CARNS1: variants seen among roughly 807,000 people sequenced by gnomAD.
CARNS1 encodes carnosine synthase 1, also known as ATP-grasp domain containing 1.
A neutral mutation model predicts 74.0 loss-of-function variants in CARNS1; 61 were observed. That is an observed-to-expected ratio of 0.82 (90% confidence interval 0.67 to 1.02). The LOEUF (loss-of-function observed/expected upper bound fraction) is 1.02. Ranked by LOEUF, CARNS1 falls within the 50% of genes least tolerant of loss-of-function variation. The pLI, the probability that CARNS1 is intolerant of heterozygous loss-of-function variation, is 0.00. For missense variants in CARNS1, 1,278 were observed against 1,308.4 expected (o/e 0.98, Z 0.36); for synonymous variants, 568 against 605.5 (o/e 0.94, Z 0.91).
rs573591063 is a variant in CARNS1 at position 67,425,284 on chromosome 11, C to T, written c.*683C>T. 5.7e-6 allele frequency: 2 copies of T among 352,904 alleles called. No individual in the cohort carries two copies. The highest frequency in any genetic ancestry group is 7.4e-5 in the East Asian group (1 of 13,522). The allele number at this position is 352,904 out of a possible 1,614,324, so 21.9% of individuals were successfully genotyped here. A position where few individuals can be genotyped will look rare whatever the true frequency, so the allele number is the denominator to read the frequency against. ...TTATACCACAGTGGAGAGCGGGTCACAGGACATGATGCAGGGTCCAGGTTT... is the reference window on the plus strand; with the variant it reads ...TTATACCACAGTGGAGAGCGGGTCATAGGACATGATGCAGGGTCCAGGTTT... On this transcript the variant is annotated 3_prime_UTR_variant, in exon 10 of 10. Coordinates refer to ENST00000687366, the MANE Select transcript of CARNS1 (RefSeq NM_001166222.2).
At position 67,416,855 on chromosome 11, in the gene CARNS1, T is replaced by A. The variant is rs898627594; in HGVS notation, c.4-552T>A. On this transcript the variant is annotated intron_variant, in intron 2 of 9. Transcript: ENST00000687366. ...GGGGGGATACTGTCTAGCCTCCTAA[T>A]GTTTAGCCCAGGGCTGGGCACACAG... The A allele has an allele frequency of 4.1e-6, 4 of 986,238 alleles. No individual in the cohort carries two copies. In the African/African-American group the frequency reaches 7.0e-5, roughly 17 times the overall value. The allele number at this position is 986,238 out of a possible 1,614,324, so 61.1% of individuals were successfully genotyped here. A position where few individuals can be genotyped will look rare whatever the true frequency, so the allele number is the denominator to read the frequency against.
rs1403674852 is a variant in CARNS1 at position 67,417,565 on chromosome 11, C to T, written c.162C>T (p.Pro54=). 29 of 1,374,606 alleles carry T rather than the reference C, an allele frequency of 2.1e-5. No homozygotes were observed. Among genetic ancestry groups the T allele is most frequent in the South Asian group, 8.3e-5 (5 of 60,268 alleles). The allele number at this position is 1,374,606 out of a possible 1,614,324, so 85.2% of individuals were successfully genotyped here. Residue 54 remains proline, a synonymous_variant, in exon 3 of 10, where the codon CCC becomes CCT. Coordinates refer to ENST00000687366, the MANE Select transcript of CARNS1 (RefSeq NM_001166222.2). ...QDVGLDCKGS[P]EGAEARAWTV... ...TGGGCCTGGACTGCAAGGGATCCCC[C>T]GAGGGGGCCGAGGCCCGGGCTTGGA... is the stretch of plus-strand genomic sequence containing the variant.
In CARNS1 at chr11:67,424,352, G is replaced by C. The variant is rs543084153; in HGVS notation, c.2604G>C (p.Gln868His). Residue 868 changes from glutamine to histidine, a missense_variant, in exon 10 of 10, where the codon CAG becomes CAC. Coordinates refer to ENST00000687366, the MANE Select transcript of CARNS1 (RefSeq NM_001166222.2). ...HLVGVMCLVS[Q>H]HLQALSSTAS... ...TGGGCGTCATGTGCCTTGTGTCCCA[G>C]CACCTGCAGGCCCTGAGTTCCACCG... is the stretch of plus-strand genomic sequence containing the variant. The C allele has an allele frequency of 3.3e-5, 53 of 1,604,918 alleles. No individual in the cohort carries two copies. The South Asian group carries it at 5.7e-4, about 17-fold the overall frequency.
Position 67,425,027 on chromosome 11 carries a change from G to T in CARNS1, c.*426G>T. The stretch of plus-strand genomic sequence containing the variant: ...GGCCCCAAGCCTTGGACAAATCCTG[G>T]GAAAACCTGAGACTAGAACCCTTGT... On this transcript the variant is annotated 3_prime_UTR_variant, in exon 10 of 10. Coordinates refer to ENST00000687366, the MANE Select transcript of CARNS1 (RefSeq NM_001166222.2). 1 of 473,342 alleles carries T rather than the reference G, an allele frequency of 2.1e-6. No individual in the cohort carries two copies. Among genetic ancestry groups the T allele is most frequent in the Non-Finnish European group, 4.2e-6 (1 of 238,994 alleles). The allele number at this position is 473,342 out of a possible 1,614,324, so 29.3% of individuals were successfully genotyped here.
At chr11:67,418,275 C>T (rs141690471) in intron 3 of CARNS1, among the ~76,000 whole-genome samples, 156 bp from the exon 4 acceptor site, 5 of 152,164 alleles carry the variant, frequency 3.3e-5, no homozygotes, top group Non-Finnish European at 5.9e-5. Flanking sequence ...GCAGGACTGG[C>T]GGGCACCTCC....
chr11:67,415,960 A>G (rs918668580), intron 1 of CARNS1, 197 bp downstream of exon 1: 8 of 442,646 alleles, frequency 1.8e-5, no homozygotes, highest in African/African-American at 1.0e-4. Flanking sequence ...CCAGGGCAGG[A>G]AGGACCTGTG....
intron 1 of CARNS1, chr11:67,415,975 G>GCACTGGGGCAGGAGC (rs1368686830): frequency 3.6e-6 from 2 of 553,988 alleles, no homozygotes; most frequent in African/African-American, 3.8e-5. Flanking sequence ...CCTGTGAGCC[G>GCACTGGGGCAGGAGC]CACTGGGGCA....
chr11:67,421,283 C>G, intron 9 of CARNS1, 64 bp downstream of exon 9: 1 of 1,346,896 alleles, frequency 7.4e-7, no homozygotes, highest in Non-Finnish European at 9.5e-7. Flanking sequence ...GGCGGGACCC[C>G]GGGGCGGGGC....
At position 67,421,132 on chromosome 11, in the gene CARNS1, C is replaced by T. The variant is rs1332851618; in HGVS notation, c.1539C>T (p.Leu513=). The change falls in exon 9 of 10, where the codon CTC becomes CTT. Residue 513 remains leucine, a synonymous_variant. Coordinates refer to ENST00000687366, the MANE Select transcript of CARNS1 (RefSeq NM_001166222.2). ...ETMLRRSARC[L]MEGKQLLVVG... ...TGCTTCGGCGGTCGGCGCGCTGCCT[C>T]ATGGAGGGAAAACAGCTGCTGGTGG... 1.3e-6 allele frequency: 2 copies of T among 1,484,160 alleles called. No individual in the cohort carries two copies. Among genetic ancestry groups the T allele is most frequent in the East Asian group, 3.0e-5 (1 of 33,838 alleles). The allele number at this position is 1,484,160 out of a possible 1,614,324, so 91.9% of individuals were successfully genotyped here.
chr11:67,419,886 G>A, intron 7 of CARNS1, 48 bp downstream of exon 7: 2 of 1,539,286 alleles, frequency 1.3e-6, no homozygotes, highest in South Asian at 1.2e-5. Flanking sequence ...CCACACGCCA[G>A]CCCAGTCCCA....
In CARNS1 at chr11:67,423,733, A is replaced by C; in HGVS notation, c.1985A>C (p.Glu662Ala). 6.3e-7 allele frequency: 1 copy of C among 1,579,676 alleles called. No homozygotes were observed. Among genetic ancestry groups the C allele is most frequent in the Non-Finnish European group, 8.6e-7 (1 of 1,168,254 alleles). The change falls in exon 10 of 10, where the codon GAG (glutamate) becomes GCG (alanine). Residue 662 changes from glutamate (E) to alanine (A), a missense_variant. Physicochemically the swap from Glu to Ala is moderately radical, Grantham distance 107 (BLOSUM62 -1). Coordinates refer to ENST00000687366, the MANE Select transcript of CARNS1 (RefSeq NM_001166222.2). The surrounding 1 kb of genome is among the most constrained non-coding windows in gnomAD (Gnocchi z 5.1). ...CCPLESEADV[E>A]RAVHQVPLPG... is the part of the protein sequence containing the mutation. ...CCACTGGAGAGTGAGGCTGATGTGGAGAGGGCCGTGCACCAGGTACCCCTG... is the reference window on the plus strand; with the variant it reads ...CCACTGGAGAGTGAGGCTGATGTGGCGAGGGCCGTGCACCAGGTACCCCTG...
At chr11:67,416,259 C>A (rs1863543046) in intron 2 of CARNS1, 57 bp downstream of exon 2, 1 of 1,536,618 alleles carries the variant, frequency 6.5e-7, no homozygotes, top group African/African-American at 1.4e-5. Context: ...AGAGAGTGGG[C>A]CCAGAGGACA....
rs1163525277 is a variant in CARNS1 at position 67,424,487 on chromosome 11, C to T, written c.2739C>T (p.Ala913=). 3.8e-6 allele frequency: 6 copies of T among 1,587,212 alleles called. No individual in the cohort carries two copies. Among genetic ancestry groups the T allele is most frequent in the South Asian group, 1.1e-5 (1 of 87,730 alleles). ...ATGAGGAGCCCTACTGCAGTGTGGC[C>T]TGTGCCGGACCCAGCCCCACCGAGG... ...GEYEEPYCSV[A]CAGPSPTEAR... Residue 913 remains alanine (A), a synonymous_variant, in exon 10 of 10, where the codon GCC becomes GCT. Transcript: ENST00000687366.
Position 67,423,889 on chromosome 11 carries a change from TTGGGC to T in CARNS1, c.2151_2155del (p.Trp718GlnfsTer43), listed in dbSNP as rs1286619028. On this transcript the variant is annotated frameshift_variant, in exon 10 of 10. Coordinates refer to ENST00000687366, the MANE Select transcript of CARNS1 (RefSeq NM_001166222.2). LOFTEE classifies it high-confidence loss of function. This position sits in a 1 kb window ranked among gnomAD's most constrained non-coding sequence, Gnocchi z 5.1. ...CAGGGCGAGGCCGACCACCCAGGCA[TTGGGC>T]TGGGCTGGGGCAATGCCATGCTGCT... The T allele has an allele frequency of 6.2e-6, 10 of 1,613,480 alleles. No homozygotes were observed. Among genetic ancestry groups the T allele is most frequent in the Non-Finnish European group, 8.5e-6 (10 of 1,179,882 alleles).
chr11:67,415,913 C>G lies in CARNS1; in HGVS notation c.-25+150C>G, dbSNP rs188622906. ...CCCCCGGGACCCGGTGCCCCCAACT[C>G]CCCCCCGCGCTGGAGGGGCAGAGCC... On this transcript the variant is annotated intron_variant, in intron 1 of 9. Transcript: ENST00000687366. The G allele has an allele frequency of 1.4e-3, 414 of 295,094 alleles. 3 individuals are homozygous for G. The highest frequency in any genetic ancestry group is 8.6e-3 in the African/African-American group (388 of 44,886). The allele number at this position is 295,094 out of a possible 1,614,324, so 18.3% of individuals were successfully genotyped here.
intron 4 of CARNS1, 37 bp from the exon 5 acceptor site, chr11:67,418,719 C>A (rs762314194): frequency 5.9e-6 from 9 of 1,526,798 alleles, no homozygotes; most frequent in Non-Finnish European, 7.9e-6. Flanking sequence ...GGGCATCAAG[C>A]CTTCCCTGGC....
At position 67,425,334 on chromosome 11, in the gene CARNS1, C is replaced by T. The variant is rs1405890872; in HGVS notation, c.*733C>T. On this transcript the variant is annotated 3_prime_UTR_variant, in exon 10 of 10. Coordinates refer to ENST00000687366, the MANE Select transcript of CARNS1 (RefSeq NM_001166222.2). ...TCTGTTTTGATCAAGTCTTACATGCCCATTCAGCTTCTAGGCCCCCCTCAC... is the reference window on the plus strand; with the variant it reads ...TCTGTTTTGATCAAGTCTTACATGCTCATTCAGCTTCTAGGCCCCCCTCAC... 1 of 320,862 alleles carries T rather than the reference C, an allele frequency of 3.1e-6. No homozygotes were observed. The highest frequency in any genetic ancestry group is 7.7e-5 in the East Asian group (1 of 12,976). The allele number at this position is 320,862 out of a possible 1,614,324, so 19.9% of individuals were successfully genotyped here.
intron 2 of CARNS1, chr11:67,416,947 G>A (rs1344633285): frequency 1.0e-6 from 1 of 989,000 alleles, no homozygotes. Context: ...ACTCCATGCC[G>A]GGTCATGAGA....
At chr11:67,422,075 T>C (rs1215513644) in intron 9 of CARNS1, among the ~76,000 whole-genome samples, 3 of 151,498 alleles carry the variant, frequency 2.0e-5, no homozygotes, top group Non-Finnish European at 4.4e-5. Flanking sequence ...GGTTTCACCA[T>C]GTTAGCCAGG....
Sources: allele counts gnomAD v4.1 joint callset (sites outside exome capture counted in the v4.1 genomes callset), GRCh38; gene constraint gnomAD v4.1.1; non-coding constraint Gnocchi (gnomAD v3.1); transcripts MANE v1.5; gene names NCBI Gene and HGNC (gene_info 2026-07-23, HGNC 2026-07-21).